Variants in HELB observed in about 807,000 individuals in gnomAD.
HELB encodes DNA 5'-3' helicase B.
Under a neutral mutation model 101.7 loss-of-function variants are expected in HELB, and 96 were observed. That is an observed-to-expected ratio of 0.94 (90% CI 0.80 to 1.12). The LOEUF (loss-of-function observed/expected upper bound fraction) is 1.12. Among genes scored for constraint, HELB ranks in the 50% most tolerant of loss-of-function variants. HELB has a pLI of 0.00. For synonymous variants in HELB, 437 were observed against 459.7 expected (o/e 0.95, Z 0.63); for missense variants, 1,210 against 1,291.9 (o/e 0.94, Z 0.97).
intron 11 of HELB, among the ~76,000 whole-genome samples, chr12:66,327,149 G>C (rs1374548361): frequency 1.3e-5 from 2 of 149,262 alleles, no homozygotes; most frequent in South Asian, 4.2e-4. Flanking sequence ...GGGGTGGTTG[G>C]AATGCAGCCA....
rs1051934339 is a variant in HELB, at chr12:66,305,150, A to G, written c.607A>G (p.Ile203Val). Residue 203 changes from isoleucine (I) to valine (V), a missense_variant and splice_region_variant, in exon 2 of 13, where the codon ATT becomes GTT. Physicochemically the swap from Ile to Val is conservative, Grantham distance 29 (BLOSUM62 3). Transcript: ENST00000247815. ...GATGAGTCTTCCTCTGGAAAACACA[A>G]GTAAGTGTGATTTTTATCATCAACT... ...NEMSLPLENTIPFRNVMTALQ... is the reference protein window; with the variant it reads ...NEMSLPLENTVPFRNVMTALQ... 3 of 1,519,748 alleles carry G rather than the reference A, an allele frequency of 2.0e-6. No homozygotes were observed. Among genetic ancestry groups the G allele is most frequent in the Non-Finnish European group, 2.7e-6 (3 of 1,127,430 alleles). The allele number at this position is 1,519,748 out of a possible 1,614,324, so 94.1% of individuals were successfully genotyped here. A position where few individuals can be genotyped will look rare whatever the true frequency, so the allele number is the denominator to read the frequency against.
At chr12:66,318,260 A>T (rs1338661378) in intron 6 of HELB, among the ~76,000 whole-genome samples, 1 of 152,102 alleles carries the variant, frequency 6.6e-6, no homozygotes, top group Non-Finnish European at 1.5e-5. Context: ...ACTTGACTAA[A>T]CCTCACATTG....
Position 66,331,790 on chromosome 12 carries a change from C to A in HELB, c.3162+145C>A, listed in dbSNP as rs143452636. ...GTTTTTCTCATTTCTGTCAAATTTCCCTTACCTCACTGTCTGATTTCCCCT... is the reference window on the plus strand; with the variant it reads ...GTTTTTCTCATTTCTGTCAAATTTCACTTACCTCACTGTCTGATTTCCCCT... On this transcript the variant is annotated intron_variant, in intron 12 of 12. Transcript: ENST00000247815. The A allele has an allele frequency of 7.3e-4, 589 of 802,654 alleles. 6 individuals carry two copies. In the African/African-American group the frequency reaches 9.0e-3, roughly 12 times the overall value. 49.7% of individuals were successfully genotyped at this position (802,654 alleles called of 1,614,324 possible). A position where few individuals can be genotyped will look rare whatever the true frequency, so the allele number is the denominator to read the frequency against.
rs764217559 is a variant in HELB, at chr12:66,325,025, A to C, written c.2569A>C (p.Ile857Leu). The C allele has an allele frequency of 6.2e-7, 1 of 1,613,206 alleles. No individual in the cohort carries two copies. The highest frequency in any genetic ancestry group is 1.7e-5 in the Admixed American group (1 of 60,012). Residue 857 changes from isoleucine (I) to leucine (L), a missense_variant, in exon 11 of 13, where the codon ATT becomes CTT. Ile to Leu is a conservative substitution (Grantham distance 5, BLOSUM62 2). Transcript: ENST00000247815. Reference protein sequence around the residue: ...VTFGKRRSLTINNMAGLEVTV... With the variant: ...VTFGKRRSLTLNNMAGLEVTV... ...TTTTGGAAAGAGAAGATCTTTGACC[A>C]TTAATAATATGGCTGGCCTGGAAGT...
chr12:66,318,534 C>T (rs2053635158), intron 6 of HELB, 104 bp from the exon 7 acceptor site: 1 of 1,036,064 alleles, frequency 9.7e-7, no homozygotes, highest in Non-Finnish European at 1.4e-6. Flanking sequence ...TCTCTGTTAT[C>T]TATTAATAGA....
At chr12:66,303,162 G>C (rs965532170) in intron 1 of HELB, among the ~76,000 whole-genome samples, 3 of 148,404 alleles carry the variant, frequency 2.0e-5, no homozygotes, top group Non-Finnish European at 3.0e-5. Context: ...TTTAATGTAA[G>C]GTAGTTTTAC....
At chr12:66,303,845 C>A (rs889575154) in intron 1 of HELB, among the ~76,000 whole-genome samples, 1 of 152,066 alleles carries the variant, frequency 6.6e-6, no homozygotes, top group Non-Finnish European at 1.5e-5. Flanking sequence ...ATGTGCCGAC[C>A]GGTGCTGTTC....
At chr12:66,316,744 G>A (rs2053610024) in intron 6 of HELB, among the ~76,000 whole-genome samples, 1 of 151,914 alleles carries the variant, frequency 6.6e-6, no homozygotes, top group Non-Finnish European at 1.5e-5. Flanking sequence ...ATTAGGCCAG[G>A]CGCGGTGGCT....
At chr12:66,329,217 C>T (rs1296526340) in intron 11 of HELB, among the ~76,000 whole-genome samples, 2 of 152,100 alleles carry the variant, frequency 1.3e-5, no homozygotes, top group African/African-American at 4.8e-5. Flanking sequence ...ACTTAAGTAC[C>T]ATCTTGGAGT....
At chr12:66,327,066 A>AATATATATATATATATATATATAT (rs1555167520) in intron 11 of HELB, among the ~76,000 whole-genome samples, 7 of 46,810 alleles carry the variant, frequency 1.5e-4, no homozygotes, top group African/African-American at 9.2e-4. Context: ...AAAAAAAAAA[A>AATATATATATATATATATATATAT]ATATATATAT....
intron 3 of HELB, among the ~76,000 whole-genome samples, chr12:66,308,607 G>A (rs1269243413): frequency 6.6e-6 from 1 of 152,148 alleles, no homozygotes; most frequent in Non-Finnish European, 1.5e-5. Flanking sequence ...TGTGGACAGG[G>A]TTGATTTCTT....
At chr12:66,328,516 G>A (rs1413895409) in intron 11 of HELB, among the ~76,000 whole-genome samples, 1 of 152,102 alleles carries the variant, frequency 6.6e-6, no homozygotes, top group Non-Finnish European at 1.5e-5. Flanking sequence ...TGAGCTCCTA[G>A]CCCGGGTGAC....
chr12:66,321,864 A>G (rs2137004744), intron 7 of HELB, 84 bp from the exon 8 acceptor site: 1 of 625,870 alleles, frequency 1.6e-6, no homozygotes, highest in Non-Finnish European at 3.0e-6. Context: ...GGCCCTTAGC[A>G]GGAATCCCAG....
At chr12:66,303,253 C>CA (rs1483427562) in intron 1 of HELB, among the ~76,000 whole-genome samples, 1 of 152,024 alleles carries the variant, frequency 6.6e-6, no homozygotes, top group Non-Finnish European at 1.5e-5. Context: ...CACTTATCCT[C>CA]AAGTTCTATA....
chr12:66,336,490 G>C (rs1310579861), intron 12 of HELB, among the ~76,000 whole-genome samples: 1 of 152,204 alleles, frequency 6.6e-6, no homozygotes, highest in East Asian at 1.9e-4. Flanking sequence ...TTGTTCAGTT[G>C]AGTCTTTAAG....
At chr12:66,323,814 C>A (rs1049045931) in intron 9 of HELB, among the ~76,000 whole-genome samples, 169 bp from the exon 10 acceptor site, 1 of 152,120 alleles carries the variant, frequency 6.6e-6, no homozygotes. Context: ...AATCAGATGA[C>A]AGCTATGGGA....
chr12:66,318,862 T>C, intron 7 of HELB, 70 bp downstream of exon 7: 2 of 1,196,346 alleles, frequency 1.7e-6, no homozygotes, highest in Non-Finnish European at 2.3e-6. Flanking sequence ...AGTTATTAAA[T>C]GACTAGTTAC....
chr12:66,338,316 G>C (rs751032822), downstream of HELB: 6 of 428,356 alleles, frequency 1.4e-5, no homozygotes, highest in African/African-American at 2.1e-5. Context: ...GAAGAGATTA[G>C]ATATTTTATA....
intron 6 of HELB, among the ~76,000 whole-genome samples, chr12:66,316,230 G>A (rs1414121540): frequency 6.6e-6 from 1 of 152,090 alleles, no homozygotes; most frequent in Non-Finnish European, 1.5e-5. Flanking sequence ...ATCCAGGTTT[G>A]TGTAAGTACA....
Sources: gnomAD v4.1 joint callset for allele counts (sites outside exome capture counted in the v4.1 genomes callset) on GRCh38, gnomAD v4.1.1 for gene constraint, MANE v1.5 for transcripts, NCBI Gene and HGNC (gene_info 2026-07-23, HGNC 2026-07-21) for gene names.